The following BAZ2B variants were observed in gnomAD, a reference collection of about 807,000 sequenced individuals.
BAZ2B encodes bromodomain adjacent to zinc finger domain protein 2B.
A neutral mutation model predicts 246.0 loss-of-function variants in BAZ2B; 91 were observed. The ratio of observed to expected loss-of-function variants is 0.37; its 90% CI spans 0.31 to 0.44. The LOEUF (loss-of-function observed/expected upper bound fraction) is 0.44, where lower values mean the gene tolerates loss of function less well. BAZ2B is among the 20% of genes least tolerant of loss of function. BAZ2B has a pLI of 1.00. For synonymous variants in BAZ2B, 855 were observed against 860.0 expected (o/e 0.99, Z 0.10); for missense variants, 2,332 against 2,533.7 (o/e 0.92, Z 1.71).
intron 3 of BAZ2B, chr2:159,464,223 A>G (rs1406473592): frequency 6.6e-6 from 1 of 152,134 alleles, no homozygotes; most frequent in African/African-American, 2.4e-5. Context: ...CACCAATGTC[A>G]CTTCTCTGTC....
intron 23 of BAZ2B, among the ~76,000 whole-genome samples, chr2:159,384,261 C>A (rs1444695193): frequency 1.3e-5 from 2 of 151,946 alleles, no homozygotes; most frequent in Non-Finnish European, 2.9e-5. Context: ...ATAAGTGCCA[C>A]TTAGCATTAC....
chr2:159,640,828 A>T, the BAZ2B span, among the ~76,000 whole-genome samples: 5 of 149,688 alleles, frequency 3.3e-5, no homozygotes, highest in African/African-American at 1.2e-4. Context: ...TGAAACATTT[A>T]AAAAAAAAAC....
rs1345103358 is a variant in BAZ2B, at chr2:159,448,151, A to G, written c.502+91T>C. ...TTAAAACAAACAAACAAACAAAAAC[A>G]AAAAACAAAAAAAGGTATTAAACCT... On this transcript the variant is annotated intron_variant, in intron 5 of 36. Transcript: ENST00000392783. 4 of 1,453,076 alleles carry G rather than the reference A, an allele frequency of 2.8e-6. No individual in the cohort carries two copies. In the African/African-American group the frequency reaches 5.8e-5, roughly 21 times the overall value. The allele number at this position is 1,453,076 out of a possible 1,614,324, so 90.0% of individuals were successfully genotyped here. A position where few individuals can be genotyped will look rare whatever the true frequency, so the allele number is the denominator to read the frequency against.
At chr2:159,334,423 TC>T (rs1386382981) in intron 33 of BAZ2B, among the ~76,000 whole-genome samples, 1 of 152,174 alleles carries the variant, frequency 6.6e-6, no homozygotes, top group Non-Finnish European at 1.5e-5. Flanking sequence ...TTATGACAAC[TC>T]CCTCTTTTTC....
intron 2 of BAZ2B, among the ~76,000 whole-genome samples, chr2:159,521,780 A>C (rs942033261): frequency 4.6e-5 from 7 of 152,086 alleles, no homozygotes; most frequent in African/African-American, 1.7e-4. Context: ...AAATCAATGG[A>C]TGCTACCAGA....
intron 1 of BAZ2B, among the ~76,000 whole-genome samples, chr2:159,613,255 G>C (rs912339038): frequency 6.6e-6 from 1 of 152,014 alleles, no homozygotes; most frequent in Non-Finnish European, 1.5e-5. Context: ...AGACTGAAGA[G>C]TTTAGAAGTA....
chr2:159,439,160 C>T lies in BAZ2B; in HGVS notation c.749G>A (p.Gly250Asp), dbSNP rs369257671. The T allele has an allele frequency of 3.7e-5, 60 of 1,613,842 alleles. No individual in the cohort carries two copies. Among genetic ancestry groups the T allele is most frequent in the Non-Finnish European group, 5.0e-5 (59 of 1,179,944 alleles). The change falls in exon 7 of 37, where the codon GGC becomes GAC. Residue 250 changes from glycine to aspartate, a missense_variant. Coordinates refer to ENST00000392783, the MANE Select transcript of BAZ2B (RefSeq NM_013450.4). ...TTCACTTGAGGTGTCTGATGATGTG[C>T]CTGAATCACTATCACTGTTGCTAGA... is the stretch of plus-strand genomic sequence containing the variant. ...ESSSNSDSDS[G>D]TSSDTSSEGI...
intron 10 of BAZ2B, among the ~76,000 whole-genome samples, chr2:159,430,027 A>G (rs944665784): frequency 2.6e-5 from 4 of 152,060 alleles, no homozygotes; most frequent in African/African-American, 9.7e-5. Flanking sequence ...GTCAAATGGG[A>G]AAAAAAAGGA....
the BAZ2B span, among the ~76,000 whole-genome samples, chr2:159,629,537 A>C: frequency 6.6e-6 from 1 of 152,192 alleles, no homozygotes; most frequent in African/African-American, 2.4e-5. Context: ...ACATGGATGA[A>C]GCTGGAAACC....
the BAZ2B span, among the ~76,000 whole-genome samples, chr2:159,666,686 T>A: frequency 6.6e-6 from 1 of 152,080 alleles, no homozygotes; most frequent in Non-Finnish European, 1.5e-5. Flanking sequence ...CAAAACCCCG[T>A]CTCTACTAAA....
intron 2 of BAZ2B, among the ~76,000 whole-genome samples, chr2:159,498,289 T>C (rs2081365336): frequency 6.6e-6 from 1 of 152,172 alleles, no homozygotes; most frequent in Non-Finnish European, 1.5e-5. Flanking sequence ...TCAATAAAAG[T>C]CAACATTATT....
intron 4 of BAZ2B, 132 bp from the exon 5 acceptor site, chr2:159,448,541 T>A: frequency 9.5e-7 from 1 of 1,050,732 alleles, no homozygotes; most frequent in Non-Finnish European, 1.3e-6. Flanking sequence ...TACTCATACT[T>A]CTGATCATTT....
At chr2:159,336,911 G>A in intron 33 of BAZ2B, 31 bp downstream of exon 33, 1 of 1,524,940 alleles carries the variant, frequency 6.6e-7, no homozygotes, top group Admixed American at 1.8e-5. Flanking sequence ...AAGTAAATTA[G>A]TTATAATATT....
At chr2:159,339,282 C>A (rs1472171093) in intron 31 of BAZ2B, among the ~76,000 whole-genome samples, 2 of 152,042 alleles carry the variant, frequency 1.3e-5, no homozygotes, top group Non-Finnish European at 2.9e-5. Context: ...CCAGCAACAT[C>A]CCAAAATTCA....
chr2:159,625,104 A>G, the BAZ2B span, among the ~76,000 whole-genome samples: 1 of 152,120 alleles, frequency 6.6e-6, no homozygotes, highest in African/African-American at 2.4e-5. Context: ...ACTTAATAAA[A>G]TAAAGCGAGA....
In BAZ2B at chr2:159,438,374, C is replaced by T; in HGVS notation, c.1222G>A (p.Val408Ile). The T allele has an allele frequency of 6.2e-7, 1 of 1,614,042 alleles. No individual in the cohort carries two copies. Among genetic ancestry groups the T allele is most frequent in the Non-Finnish European group, 8.5e-7 (1 of 1,179,934 alleles). ...GTATTTTTATTCCCTGCTTTAAGAA[C>T]ATCAGGAGAAGGAACTATGAGTTTC... is the stretch of plus-strand genomic sequence containing the variant. ...YMKLIVPSPD[V>I]LKAGNKNTSE... Residue 408 changes from valine to isoleucine, a missense_variant, in exon 8 of 37, where the codon GTT becomes ATT. By Grantham distance (29) the Val-to-Ile change is conservative (BLOSUM62 3). Transcript: ENST00000392783.
chr2:159,541,275 T>C (rs2086630283), intron 2 of BAZ2B, among the ~76,000 whole-genome samples: 1 of 151,256 alleles, frequency 6.6e-6, no homozygotes, highest in Non-Finnish European at 1.5e-5. Context: ...ATTATTATTA[T>C]TATTATTATT....
At chr2:159,614,770 A>T (rs893506877) in intron 1 of BAZ2B, among the ~76,000 whole-genome samples, 2 of 152,230 alleles carry the variant, frequency 1.3e-5, no homozygotes, top group Non-Finnish European at 2.9e-5. Context: ...CACAAAAATA[A>T]GCCACACAAC....
intron 19 of BAZ2B, chr2:159,396,398 A>C (rs955657906): frequency 3.9e-5 from 6 of 152,232 alleles, no homozygotes; most frequent in African/African-American, 1.4e-4. Context: ...TAGTTAAACT[A>C]GTCTTGTTTC....
Sources: gnomAD v4.1 joint callset for allele counts (sites outside exome capture counted in the v4.1 genomes callset) on GRCh38, gnomAD v4.1.1 for gene constraint, MANE v1.5 for transcripts, NCBI Gene and HGNC (gene_info 2026-07-23, HGNC 2026-07-21) for gene names.